CTNNA3: variants seen among roughly 807,000 people sequenced by gnomAD.
CTNNA3 encodes the protein catenin alpha 3.
In CTNNA3, 76 loss-of-function variants were observed where a neutral mutation model predicts 95.7. The ratio of observed to expected loss-of-function variants is 0.79; its 90% CI spans 0.66 to 0.96. CTNNA3 has a LOEUF of 0.96. CTNNA3 is among the 40% of genes least tolerant of loss of function. The pLI is 0.00. For missense variants in CTNNA3, 1,191 were observed against 1,089.8 expected (o/e 1.09, Z -1.31); for synonymous variants, 431 against 374.4 (o/e 1.15, Z -1.74).
chr10:66,501,346 A>T (rs17264446), intron 11 of CTNNA3, among the ~76,000 whole-genome samples: 24,747 of 152,116 alleles, frequency 0.16, 2,130 homozygotes, highest in African/African-American at 0.19. Flanking sequence ...CAAAGACTGG[A>T]TGTCACAGAA....
chr10:66,534,324 T>A (rs2132058166), intron 10 of CTNNA3, among the ~76,000 whole-genome samples: 2 of 152,242 alleles, frequency 1.3e-5, no homozygotes, highest in South Asian at 4.1e-4. Context: ...AAAAGCTCTA[T>A]AATCTATTTA....
intron 12 of CTNNA3, among the ~76,000 whole-genome samples, chr10:66,292,469 T>C (rs2091699276): frequency 6.6e-6 from 1 of 152,166 alleles, no homozygotes; most frequent in African/African-American, 2.4e-5. Flanking sequence ...ATTGAATCAG[T>C]TGCTGTGAAT....
intron 5 of CTNNA3, among the ~76,000 whole-genome samples, chr10:67,446,824 G>C (rs11599241): frequency 1.4e-4 from 22 of 152,176 alleles, no homozygotes; most frequent in African/African-American, 5.3e-4. Flanking sequence ...CTACATCCTA[G>C]GCCAGGCATG....
chr10:66,950,462 C>T (rs1045740567), intron 7 of CTNNA3, among the ~76,000 whole-genome samples: 5 of 152,014 alleles, frequency 3.3e-5, no homozygotes, highest in African/African-American at 1.2e-4. Context: ...ATGAATGTCA[C>T]ACTTGTGAGA....
intron 15 of CTNNA3, among the ~76,000 whole-genome samples, chr10:66,036,133 C>T (rs761420548): frequency 1.3e-5 from 2 of 152,044 alleles, no homozygotes; most frequent in Non-Finnish European, 2.9e-5. Flanking sequence ...AGAAAAACAC[C>T]TAAAGATGTT....
intron 1 of CTNNA3, among the ~76,000 whole-genome samples, chr10:67,726,605 T>TTATATAATATATAATATATATTA (rs1841227905): frequency 2.6e-4 from 7 of 26,986 alleles, no homozygotes; most frequent in Non-Finnish European, 1.3e-4. Context: ...ATATTACATA[T>TTATATAATATATAATATATATTA]TATATAATAT....
At chr10:67,200,045 C>T (rs139358028) in intron 6 of CTNNA3, among the ~76,000 whole-genome samples, 33 of 151,986 alleles carry the variant, frequency 2.2e-4, no homozygotes, top group Non-Finnish European at 4.1e-4. Flanking sequence ...AATATGAAGG[C>T]CAAAATCTCT....
intron 7 of CTNNA3, among the ~76,000 whole-genome samples, chr10:66,989,331 G>T (rs1398492055): frequency 6.6e-6 from 1 of 152,080 alleles, no homozygotes; most frequent in African/African-American, 2.4e-5. Flanking sequence ...TTCCCTAAAA[G>T]TCCACAGAAA....
At chr10:66,360,603 C>CTT (rs764377246) in intron 12 of CTNNA3, among the ~76,000 whole-genome samples, 11,707 of 48,438 alleles carry the variant, frequency 0.24, 1,779 homozygotes, top group Non-Finnish European at 0.31. Flanking sequence ...TTCCTTCTTT[C>CTT]TTTCTTTCTT....
intron 1 of CTNNA3, among the ~76,000 whole-genome samples, chr10:67,656,638 T>C (rs1304934833): frequency 6.6e-6 from 1 of 152,024 alleles, no homozygotes; most frequent in East Asian, 1.9e-4. Context: ...GATTTCAGTA[T>C]TAAATAAGGT....
chr10:66,265,010 C>T (rs1343154897), intron 13 of CTNNA3, among the ~76,000 whole-genome samples: 1 of 152,048 alleles, frequency 6.6e-6, no homozygotes, highest in African/African-American at 2.4e-5. Context: ...CTAGTAAGCT[C>T]ATTAAGATTT....
chr10:66,444,090 T>C (rs1316255712), intron 11 of CTNNA3, among the ~76,000 whole-genome samples: 1 of 151,836 alleles, frequency 6.6e-6, no homozygotes, highest in Non-Finnish European at 1.5e-5. Flanking sequence ...CAAGATGAAA[T>C]GAATGAAATG....
intron 1 of CTNNA3, among the ~76,000 whole-genome samples, chr10:67,688,656 G>T (rs1027762362): frequency 6.6e-6 from 1 of 152,110 alleles, no homozygotes; most frequent in Non-Finnish European, 1.5e-5. Flanking sequence ...AGGTCAAATT[G>T]GTCCCAATGG....
intron 6 of CTNNA3, 95 bp from the exon 7 acceptor site, chr10:67,180,615 T>G (rs1194940520): frequency 2.0e-6 from 2 of 999,498 alleles, no homozygotes; most frequent in East Asian, 5.0e-5. Flanking sequence ...AGAATTCAGA[T>G]GTGATAATAA....
intron 7 of CTNNA3, among the ~76,000 whole-genome samples, chr10:66,966,208 C>T (rs757005617): frequency 2.0e-4 from 31 of 152,032 alleles, no homozygotes; most frequent in Admixed American, 2.6e-4. Context: ...CATTAATAAA[C>T]GAAAACAATT....
At chr10:66,531,596 T>C (rs991063083) in intron 10 of CTNNA3, among the ~76,000 whole-genome samples, 3 of 152,122 alleles carry the variant, frequency 2.0e-5, no homozygotes, top group Admixed American at 2.0e-4. Flanking sequence ...GCTTTAGGGA[T>C]TTAAAAGAAT....
chr10:66,649,962 G>C (rs1845838619), intron 9 of CTNNA3, among the ~76,000 whole-genome samples: 1 of 152,192 alleles, frequency 6.6e-6, no homozygotes, highest in Non-Finnish European at 1.5e-5. Context: ...GCAGTCCCAG[G>C]CCTCAGGCCC....
chr10:67,672,572 A>C (rs949724012), intron 1 of CTNNA3, among the ~76,000 whole-genome samples: 2 of 152,204 alleles, frequency 1.3e-5, no homozygotes, highest in African/African-American at 4.8e-5. Flanking sequence ...TCAGCTTTCT[A>C]CGTAGGGCTA....
chr10:67,338,169 G>C (rs1163420427), intron 5 of CTNNA3, among the ~76,000 whole-genome samples: 3 of 152,178 alleles, frequency 2.0e-5, no homozygotes, highest in Non-Finnish European at 4.4e-5. Flanking sequence ...TTGGTTCACA[G>C]TTCTGCAGAC....
Sources: gnomAD v4.1 joint callset for allele counts (sites outside exome capture counted in the v4.1 genomes callset) on GRCh38, gnomAD v4.1.1 for gene constraint, MANE v1.5 for transcripts, NCBI Gene and HGNC (gene_info 2026-07-23, HGNC 2026-07-21) for gene names.